The following SPAG16 variants were observed in gnomAD, a reference collection of about 807,000 sequenced individuals.
The protein encoded by SPAG16 is sperm associated antigen 16.
In SPAG16, 86 loss-of-function variants were observed where a neutral mutation model predicts 80.4. The ratio of observed to expected loss-of-function variants is 1.07; its 90% confidence interval spans 0.90 to 1.28. SPAG16 has a LOEUF of 1.28. Ranked by LOEUF, SPAG16 falls within the 50% of genes most tolerant of loss-of-function variation. SPAG16 has a pLI of 0.00. For missense variants in SPAG16, 870 were observed against 765.3 expected, an observed-to-expected ratio of 1.14 and a Z score of -1.61; for synonymous variants, 294 against 265.9, an observed-to-expected ratio of 1.11 and a Z score of -1.03.
intron 14 of SPAG16, among the ~76,000 whole-genome samples, chr2:214,113,790 TTTG>T (rs2053795551): frequency 6.6e-6 from 1 of 152,174 alleles, no homozygotes; most frequent in Non-Finnish European, 1.5e-5. Context: ...CTCGGAGAAG[TTTG>T]TTATTACCGA....
At chr2:213,986,100 T>C (rs1401537598) in intron 12 of SPAG16, among the ~76,000 whole-genome samples, 3 of 152,074 alleles carry the variant, frequency 2.0e-5, no homozygotes, top group Non-Finnish European at 4.4e-5. Context: ...AGGCTTAGTA[T>C]TCCTATGGGA....
At chr2:214,282,641 A>T (rs1302921267) in intron 15 of SPAG16, among the ~76,000 whole-genome samples, 3 of 152,072 alleles carry the variant, frequency 2.0e-5, no homozygotes, top group African/African-American at 7.2e-5. Context: ...TTTTTGATTA[A>T]TTTTTTTCTA....
In SPAG16 at chr2:214,208,390, G is replaced by T. The variant is rs189548980; in HGVS notation, c.1720+59124G>T. 9.9e-5 allele frequency among the ~76,000 whole-genome samples: 15 copies of T among 152,222 alleles called. No homozygotes were observed. In the East Asian group the frequency reaches 2.5e-3, roughly 25 times the overall value. On this transcript the variant is annotated intron_variant, in intron 15 of 15. Transcript: ENST00000331683. ...TTTAAACTGATTAGACGCCAAAATG[G>T]TAAGGACTCTACTTCTAGTAGTATG...
At chr2:213,943,031 C>A (rs1308061408) in intron 12 of SPAG16, among the ~76,000 whole-genome samples, 1 of 152,082 alleles carries the variant, frequency 6.6e-6, no homozygotes, top group Non-Finnish European at 1.5e-5. Context: ...AGAAGATGGC[C>A]ATCTGCAAAC....
intron 9 of SPAG16, among the ~76,000 whole-genome samples, chr2:213,425,328 G>GA (rs1354630506): frequency 2.0e-5 from 3 of 151,062 alleles, no homozygotes; most frequent in Non-Finnish European, 4.4e-5. Flanking sequence ...TCCAAAAAAA[G>GA]AATGTGTGGC....
At chr2:213,831,532 A>G (rs1344737021) in intron 10 of SPAG16, among the ~76,000 whole-genome samples, 2 of 151,608 alleles carry the variant, frequency 1.3e-5, no homozygotes, top group African/African-American at 4.9e-5. Flanking sequence ...TTGTGTTGGT[A>G]GTTTTTGTTT....
At chr2:213,620,744 AATAC>A (rs1354847414) in intron 10 of SPAG16, among the ~76,000 whole-genome samples, 2 of 152,172 alleles carry the variant, frequency 1.3e-5, no homozygotes, top group Non-Finnish European at 1.5e-5. Context: ...TGTAACCATA[AATAC>A]ATACAATGAT....
chr2:213,458,807 A>G (rs372472731), intron 9 of SPAG16, among the ~76,000 whole-genome samples: 1 of 152,306 alleles, frequency 6.6e-6, no homozygotes, highest in Non-Finnish European at 1.5e-5. Context: ...TGAATACAAT[A>G]TATCTATATT....
rs1188145200 is a variant in SPAG16, at chr2:213,788,218, TTAAA to T, written c.1071-74261_1071-74258del. ...TATCATAGCAACTAAAAATTAAGAG[TTAAA>T]TAAATTATAATACATTAAGCAGCTG... On this transcript the variant is annotated intron_variant, in intron 10 of 15. Coordinates refer to ENST00000331683, the MANE Select transcript of SPAG16 (RefSeq NM_024532.5). Among the ~76,000 whole-genome samples, 12 of 151,932 alleles carry T rather than the reference TTAAA, an allele frequency of 7.9e-5. No individual in the cohort carries two copies. The East Asian group carries it at 1.4e-3, about 17-fold the overall frequency.
chr2:213,538,212 A>C (rs2125908253), intron 10 of SPAG16, among the ~76,000 whole-genome samples: 1 of 152,282 alleles, frequency 6.6e-6, no homozygotes, highest in African/African-American at 2.4e-5. Context: ...TGTAGCAAAA[A>C]ATTTGATGAA....
chr2:213,756,675 C>G (rs1165900543), intron 10 of SPAG16, among the ~76,000 whole-genome samples: 1 of 152,144 alleles, frequency 6.6e-6, no homozygotes, highest in Non-Finnish European at 1.5e-5. Flanking sequence ...CGGGAACCCC[C>G]TAAATGGCTA....
rs191874083 is a variant in SPAG16 at position 214,271,458 on chromosome 2, T to A, written c.1720+122192T>A. On this transcript the variant is annotated intron_variant, in intron 15 of 15. Coordinates refer to ENST00000331683, the MANE Select transcript of SPAG16 (RefSeq NM_024532.5). ...TGGAAAGTTATTATTTCTAATCTCCTAATAAGCTGAAAGAAAATTATGACT... is the reference window on the plus strand; with the variant it reads ...TGGAAAGTTATTATTTCTAATCTCCAAATAAGCTGAAAGAAAATTATGACT... Among the ~76,000 whole-genome samples the A allele has an allele frequency of 3.9e-5, 6 of 152,314 alleles. No homozygotes were observed. The East Asian group carries it at 1.2e-3, about 29-fold the overall frequency.
At chr2:214,037,946 T>C (rs1338152855) in intron 13 of SPAG16, among the ~76,000 whole-genome samples, 1 of 150,338 alleles carries the variant, frequency 6.7e-6, no homozygotes, top group African/African-American at 2.4e-5. Context: ...CTTTCTGAAT[T>C]ATTTTGCATA....
intron 13 of SPAG16, among the ~76,000 whole-genome samples, chr2:214,041,912 A>T (rs954101965): frequency 6.9e-6 from 1 of 145,510 alleles, no homozygotes; most frequent in African/African-American, 2.5e-5. Flanking sequence ...TGTATATATT[A>T]TATATATCTT....
chr2:213,786,179 C>G (rs879879470), intron 10 of SPAG16, among the ~76,000 whole-genome samples: 84 of 152,180 alleles, frequency 5.5e-4, no homozygotes, highest in African/African-American at 2.0e-3. Context: ...CTCTATGCTA[C>G]TTAGTGATTT....
intron 9 of SPAG16, among the ~76,000 whole-genome samples, chr2:213,447,946 T>C (rs996505561): frequency 6.6e-5 from 10 of 152,222 alleles, no homozygotes; most frequent in Non-Finnish European, 1.0e-4. Flanking sequence ...TCAAAAGATC[T>C]AAGAGATTTG....
intron 15 of SPAG16, among the ~76,000 whole-genome samples, chr2:214,393,105 A>G (rs1408412231): frequency 2.6e-5 from 4 of 152,226 alleles, no homozygotes; most frequent in African/African-American, 2.4e-5. Context: ...TTCTTAAACC[A>G]TGTCATATAT....
At chr2:213,720,979 C>T (rs1252478238) in intron 10 of SPAG16, among the ~76,000 whole-genome samples, 4 of 152,070 alleles carry the variant, frequency 2.6e-5, no homozygotes, top group Non-Finnish European at 5.9e-5. Flanking sequence ...ATTTATATTT[C>T]TTGACCTCGT....
intron 15 of SPAG16, among the ~76,000 whole-genome samples, chr2:214,306,543 A>G (rs1316167806): frequency 6.6e-6 from 1 of 152,180 alleles, no homozygotes; most frequent in African/African-American, 2.4e-5. Flanking sequence ...ATTTTGAGGT[A>G]TGTGTCTTCA....
Sources: allele counts gnomAD v4.1 joint callset (sites outside exome capture counted in the v4.1 genomes callset), GRCh38; gene constraint gnomAD v4.1.1; transcripts MANE v1.5; gene names NCBI Gene and HGNC (gene_info 2026-07-23, HGNC 2026-07-21).